The following NR5A1 variants were observed in gnomAD, a reference collection of about 807,000 sequenced individuals.
The protein encoded by NR5A1 is steroidogenic factor 1.
NR5A1 carries 6 observed loss-of-function variants against 42.7 expected under a neutral mutation model. The observed-to-expected ratio is 0.14, with a 90% CI of 0.08 to 0.28. The LOEUF (loss-of-function observed/expected upper bound fraction) is 0.28. Among genes scored for constraint, NR5A1 ranks in the 10% least tolerant of loss-of-function variants. The probability of loss-of-function intolerance (pLI) is 1.00; values close to 1 mark genes in which losing one functional copy is unlikely to be tolerated. For synonymous variants in NR5A1, 274 were observed against 277.5 expected (o/e 0.99, Z 0.12); for missense variants, 442 against 626.4 (o/e 0.71, Z 3.14).
chr9:124,482,726 C>A lies in NR5A1; in HGVS notation c.*32G>T. ...CGCCCAGGCCCCGCCCCCAGTCCCGCCCCCAGTCCCGGCCCCGCCCCCGGC... is the reference window on the plus strand; with the variant it reads ...CGCCCAGGCCCCGCCCCCAGTCCCGACCCCAGTCCCGGCCCCGCCCCCGGC... On this transcript the variant is annotated 3_prime_UTR_variant, in exon 7 of 7. Coordinates refer to ENST00000373588, the MANE Select transcript of NR5A1 (RefSeq NM_004959.5). 2 of 1,372,106 alleles carry A rather than the reference C, an allele frequency of 1.5e-6. No homozygotes were observed. Among genetic ancestry groups the A allele is most frequent in the Non-Finnish European group, 9.9e-7 (1 of 1,005,824 alleles). The allele number at this position is 1,372,106 out of a possible 1,614,324, so 85.0% of individuals were successfully genotyped here.
At chr9:124,492,986 G>C in intron 5 of NR5A1, 44 bp downstream of exon 5, 2 of 1,528,650 alleles carry the variant, frequency 1.3e-6, no homozygotes, top group South Asian at 1.2e-5. Context: ...AGTGCACAGC[G>C]GGGCCAGGGC....
chr9:124,502,529 A>G (rs193096371), intron 3 of NR5A1, among the ~76,000 whole-genome samples: 1 of 152,062 alleles, frequency 6.6e-6, no homozygotes, highest in Admixed American at 6.5e-5. Flanking sequence ...AGGTTTCTCC[A>G]TGTTGCCCAG....
chr9:124,497,751 C>G (rs1832408255), intron 4 of NR5A1, among the ~76,000 whole-genome samples: 2 of 152,244 alleles, frequency 1.3e-5, no homozygotes, highest in African/African-American at 4.8e-5. Flanking sequence ...ACCTCTCCAG[C>G]CCTGCTTCAC....
chr9:124,492,529 G>A (rs1022427083), intron 5 of NR5A1, among the ~76,000 whole-genome samples: 18 of 151,466 alleles, frequency 1.2e-4, no homozygotes, highest in Non-Finnish European at 2.2e-4. Flanking sequence ...TCATTCATTC[G>A]AGATTTAGGG....
chr9:124,487,707 C>G lies in NR5A1; in HGVS notation c.1138+3374G>C, dbSNP rs761161255. ...AGGGCGGAGCCGCCCCCGAGGGGGA[C>G]GCCCTGCGCGCCAGCTGGAGGTCTG... On this transcript the variant is annotated intron_variant, in intron 6 of 6. Coordinates refer to ENST00000373588, the MANE Select transcript of NR5A1 (RefSeq NM_004959.5). Among the ~76,000 whole-genome samples the G allele has an allele frequency of 2.0e-5, 3 of 152,224 alleles. No individual in the cohort carries two copies. The South Asian group carries it at 6.2e-4, about 31-fold the overall frequency.
At chr9:124,491,446 C>T (rs1832308158) in intron 5 of NR5A1, among the ~76,000 whole-genome samples, 1 of 152,194 alleles carries the variant, frequency 6.6e-6, no homozygotes, top group South Asian at 2.1e-4. Context: ...TCTCCTCAAC[C>T]CGCCAAGCCC....
intron 1 of NR5A1, among the ~76,000 whole-genome samples, chr9:124,505,775 G>T (rs117525354): frequency 4.3e-4 from 65 of 152,192 alleles, no homozygotes; most frequent in African/African-American, 1.4e-3. Context: ...GCTCTCACGG[G>T]GGGGTGGGGC....
At chr9:124,486,096 C>T (rs893481774) in intron 6 of NR5A1, among the ~76,000 whole-genome samples, 4 of 152,084 alleles carry the variant, frequency 2.6e-5, no homozygotes, top group African/African-American at 9.7e-5. Flanking sequence ...CCAGGGACAC[C>T]GAAGCGGGGG....
At chr9:124,502,946 G>T in intron 3 of NR5A1, 133 bp downstream of exon 3, 6 of 1,255,946 alleles carry the variant, frequency 4.8e-6, no homozygotes, top group Non-Finnish European at 6.4e-6. Context: ...CTCTTGCAGC[G>T]ACTGGGCCCT....
At chr9:124,484,293 C>T (rs1564147414) in intron 6 of NR5A1, among the ~76,000 whole-genome samples, 1 of 152,180 alleles carries the variant, frequency 6.6e-6, no homozygotes, top group African/African-American at 2.4e-5. Flanking sequence ...AAGGAGGGGG[C>T]CTGGATGGCC....
At chr9:124,506,590 C>G (rs1404225379) in intron 1 of NR5A1, among the ~76,000 whole-genome samples, 1 of 152,178 alleles carries the variant, frequency 6.6e-6, no homozygotes, top group African/African-American at 2.4e-5. Flanking sequence ...AGGCCCCAGC[C>G]GCCGGGGTTG....
In NR5A1 at chr9:124,501,264, C is replaced by A. The variant is rs1832466847; in HGVS notation, c.245-549G>T. Reference sequence around the variant, plus strand: ...GGACCCTGGTCAGCCTTGTTCACCGCTGGCCCCAGGGTCCAGCTGTTTGTT... The same window carrying A: ...GGACCCTGGTCAGCCTTGTTCACCGATGGCCCCAGGGTCCAGCTGTTTGTT... On this transcript the variant is annotated intron_variant, in intron 3 of 6. Transcript: ENST00000373588. This position sits in a 1 kb window ranked among gnomAD's most constrained non-coding sequence, Gnocchi z 4.1. Among the ~76,000 whole-genome samples, 1 of 152,198 alleles carries A rather than the reference C, an allele frequency of 6.6e-6. No individual in the cohort carries two copies. Among genetic ancestry groups the A allele is most frequent in the South Asian group, 2.1e-4 (1 of 4,828 alleles).
At chr9:124,487,343 C>T (rs994645672) in intron 6 of NR5A1, among the ~76,000 whole-genome samples, 3 of 152,240 alleles carry the variant, frequency 2.0e-5, no homozygotes, top group Non-Finnish European at 4.4e-5. Context: ...TTTGTTGGCG[C>T]GGAGCAGTGG....
At chr9:124,505,746 C>T (rs919969637) in intron 1 of NR5A1, among the ~76,000 whole-genome samples, 15 of 152,188 alleles carry the variant, frequency 9.9e-5, no homozygotes, top group Non-Finnish European at 1.5e-5. Context: ...GGAGGCAGGG[C>T]CCCGCTGCTC....
At chr9:124,491,402 C>A (rs1357300005) in intron 5 of NR5A1, among the ~76,000 whole-genome samples, 174 bp from the exon 6 acceptor site, 1 of 152,106 alleles carries the variant, frequency 6.6e-6, no homozygotes, top group Non-Finnish European at 1.5e-5. Flanking sequence ...ATCTGCACAG[C>A]CCCGGGGACG....
rs770608642 is a variant in NR5A1, at chr9:124,500,597, C to T, written c.363G>A (p.Glu121=). ...AQIRANGFKL[E]TGPPMGVPPP... The stretch of plus-strand genomic sequence containing the variant: ...GGGGCACCCCCATCGGGGGCCCTGT[C>T]TCCAGCTTGAAGCCATTGGCCCGAA... The change falls in exon 4 of 7, where the codon GAG becomes GAA. Residue 121 remains glutamate, a synonymous_variant. Transcript: ENST00000373588. The surrounding 1 kb of genome is among the most constrained non-coding windows in gnomAD (Gnocchi z 6.9). 3 of 1,612,660 alleles carry T rather than the reference C, an allele frequency of 1.9e-6. No homozygotes were observed. The highest frequency in any genetic ancestry group is 2.2e-5 in the East Asian group (1 of 44,876).
At chr9:124,495,361 G>A (rs1832375901) in intron 4 of NR5A1, among the ~76,000 whole-genome samples, 1 of 152,216 alleles carries the variant, frequency 6.6e-6, no homozygotes, top group South Asian at 2.1e-4. Flanking sequence ...ACGGCGCCCA[G>A]TGTGGCACAG....
intron 6 of NR5A1, among the ~76,000 whole-genome samples, chr9:124,485,066 C>T (rs139181349): frequency 6.6e-6 from 1 of 152,286 alleles, no homozygotes; most frequent in Non-Finnish European, 1.5e-5. Flanking sequence ...ACCAGCCTTC[C>T]TCCTCCCTGG....
Position 124,482,311 on chromosome 9 carries a change from C to T in NR5A1, c.*447G>A, listed in dbSNP as rs1322869009. On this transcript the variant is annotated 3_prime_UTR_variant, in exon 7 of 7. Transcript: ENST00000373588. Reference sequence around the variant, plus strand: ...CTCTATGGGGGGAACACTGGAGACCCTCTCTCCTCCCCTAGTTGATACCTG... The same window carrying T: ...CTCTATGGGGGGAACACTGGAGACCTTCTCTCCTCCCCTAGTTGATACCTG... 3 of 272,652 alleles carry T rather than the reference C, an allele frequency of 1.1e-5. No individual in the cohort carries two copies. The highest frequency in any genetic ancestry group is 4.4e-5 in the African/African-American group (2 of 45,496). The allele number at this position is 272,652 out of a possible 1,614,324, so 16.9% of individuals were successfully genotyped here.
Sources: gnomAD v4.1 joint callset for allele counts (sites outside exome capture counted in the v4.1 genomes callset) on GRCh38, gnomAD v4.1.1 for gene constraint, Gnocchi (gnomAD v3.1) non-coding constraint, MANE v1.5 for transcripts, NCBI Gene and HGNC (gene_info 2026-07-23, HGNC 2026-07-21) for gene names.